Variants in SPTBN4 observed in about 807,000 individuals in gnomAD.
SPTBN4 encodes the protein spectrin beta, non-erythrocytic 4.
In SPTBN4, 96 loss-of-function variants were observed where a neutral mutation model predicts 277.8. That is an observed-to-expected ratio of 0.35 (90% CI 0.29 to 0.41). SPTBN4 has a LOEUF of 0.41. SPTBN4 is among the 10% of genes least tolerant of loss of function. The pLI, the probability that SPTBN4 is intolerant of heterozygous loss-of-function variation, is 1.00. For missense variants in SPTBN4, 3,006 were observed against 3,595.7 expected, an observed-to-expected ratio of 0.84 and a Z score of 4.19; for synonymous variants, 1,481 against 1,580.3, an observed-to-expected ratio of 0.94 and a Z score of 1.49.
Position 40,568,093 on chromosome 19 carries a change from A to G in SPTBN4, c.6767A>G (p.Asp2256Gly). The change falls in exon 31 of 36, where the codon GAT (aspartate) becomes GGT (glycine). Residue 2256 changes from aspartate to glycine, a missense_variant. Physicochemically the swap from Asp to Gly is moderately conservative, Grantham distance 94 (BLOSUM62 -1). Around this residue, in one of 5 missense-constraint regions of SPTBN4, gnomAD observed 630 missense variants for 677.6 expected, o/e 0.93. Coordinates refer to ENST00000598249, the MANE Select transcript of SPTBN4 (RefSeq NM_020971.3). ...CGGCCTGAGCGGCAAGAGTCAGTCGATCAATCCGAGGAGGCTGCGCGGAGG... is the reference window on the plus strand; with the variant it reads ...CGGCCTGAGCGGCAAGAGTCAGTCGGTCAATCCGAGGAGGCTGCGCGGAGG... The part of the protein sequence containing the change: ...RRRPERQESV[D>G]QSEEAARRRR... 1.3e-6 allele frequency: 2 copies of G among 1,566,290 alleles called. No homozygotes were observed. The highest frequency in any genetic ancestry group is 1.7e-6 in the Non-Finnish European group (2 of 1,155,902).
intron 2 of SPTBN4, among the ~76,000 whole-genome samples, chr19:40,481,891 A>T (rs112251996): frequency 1.3e-5 from 2 of 150,874 alleles, no homozygotes; most frequent in African/African-American, 2.4e-5. Context: ...ATTTTCATAC[A>T]TTTATTGGCC....
Position 40,502,944 on chromosome 19 carries a change from T to C in SPTBN4, c.1362+11T>C. ...CGTCTGGTCTCCCAGGTACAAGGTG[T>C]AGGGCTTGGCTCCAGGGTAAAGGGA... On this transcript the variant is annotated intron_variant, in intron 11 of 35. Transcript: ENST00000598249. This position sits in a 1 kb window ranked among gnomAD's most constrained non-coding sequence, Gnocchi z 4.9. The C allele has an allele frequency of 1.2e-6, 2 of 1,612,868 alleles. No individual in the cohort carries two copies. The highest frequency in any genetic ancestry group is 1.7e-6 in the Non-Finnish European group (2 of 1,179,588).
intron 24 of SPTBN4, 77 bp from the exon 25 acceptor site, chr19:40,556,007 G>A: frequency 7.6e-7 from 1 of 1,314,066 alleles, no homozygotes; most frequent in Non-Finnish European, 1.0e-6. Flanking sequence ...CCTGTCCTGG[G>A]GAGGGGGTTT....
intron 12 of SPTBN4, 68 bp downstream of exon 12, chr19:40,504,200 A>T: frequency 6.7e-7 from 1 of 1,500,476 alleles, no homozygotes; most frequent in Non-Finnish European, 9.1e-7. Flanking sequence ...ACGCTGAAAG[A>T]GTTGTCAGAC....
rs558324404 is a variant in SPTBN4 at position 40,511,224 on chromosome 19, C to T, written c.1817-1382C>T. ...TTCGAGACCAGTCTGGCCAACATAG[C>T]GAAACCCCATCTCTACTAAAAATAC... On this transcript the variant is annotated intron_variant, in intron 13 of 35. Transcript: ENST00000598249. Among the ~76,000 whole-genome samples, 22 of 146,856 alleles carry T rather than the reference C, an allele frequency of 1.5e-4. No individual in the cohort carries two copies. The East Asian group carries it at 1.8e-3, about 12-fold the overall frequency.
rs2369005 is a variant in SPTBN4, at chr19:40,545,083, T to G, written c.4360-4106T>G. 6.8e-3 allele frequency among the ~76,000 whole-genome samples: 1,032 copies of G among 151,470 alleles called. 15 individuals are homozygous for G. Among genetic ancestry groups the G allele is most frequent in the African/African-American group, 0.024 (995 of 41,356 alleles). ...ATTTCTTTTTTTTCTTAAAAAAATT[T>G]TTATTATTATTATTTAAAAATTTTT... On this transcript the variant is annotated intron_variant, in intron 20 of 35. Transcript: ENST00000598249.
Position 40,480,825 on chromosome 19 carries a change from G to A in SPTBN4, c.170-6872G>A, listed in dbSNP as rs112396014. Among the ~76,000 whole-genome samples, 1,461 of 152,200 alleles carry A rather than the reference G, an allele frequency of 9.6e-3. 26 individuals are homozygous for A. Among genetic ancestry groups the A allele is most frequent in the African/African-American group, 0.033 (1,379 of 41,524 alleles). ...TGCCTGTAATCCCAGCACTTTGGGAGGCCAAGGCAGGCGGATTACTTGAGT... is the reference window on the plus strand; with the variant it reads ...TGCCTGTAATCCCAGCACTTTGGGAAGCCAAGGCAGGCGGATTACTTGAGT... On this transcript the variant is annotated intron_variant, in intron 2 of 35. Coordinates refer to ENST00000598249, the MANE Select transcript of SPTBN4 (RefSeq NM_020971.3).
At chr19:40,575,343 T>A in intron 35 of SPTBN4, 68 bp from the exon 36 acceptor site, 1 of 1,533,920 alleles carries the variant, frequency 6.5e-7, no homozygotes, top group South Asian at 1.2e-5. Flanking sequence ...TAGTCTGATC[T>A]GAAATTCACC....
chr19:40,560,891 AC>A lies in SPTBN4; in HGVS notation c.5915+491del. ...TGCCACCCTGGGAGTCACATGCTGG[AC>A]CCTCTGCATCCCGCTGCAGATGGGA... On this transcript the variant is annotated intron_variant, in intron 27 of 35. Coordinates refer to ENST00000598249, the MANE Select transcript of SPTBN4 (RefSeq NM_020971.3). This position sits in a 1 kb window ranked among gnomAD's most constrained non-coding sequence, Gnocchi z 5.2. 1 of 275,080 alleles carries A rather than the reference AC, an allele frequency of 3.6e-6. No individual in the cohort carries two copies. The highest frequency in any genetic ancestry group is 2.3e-5 in the African/African-American group (1 of 44,276). 17.0% of individuals were successfully genotyped at this position (275,080 alleles called of 1,614,324 possible).
intron 20 of SPTBN4, among the ~76,000 whole-genome samples, chr19:40,536,621 G>A (rs1238348240): frequency 1.3e-5 from 2 of 152,158 alleles, no homozygotes; most frequent in South Asian, 2.1e-4. Context: ...CTTTGTCTGT[G>A]TGGGTTAGAC....
chr19:40,567,616 G>GCCCCACCCCCCCCACCCAAC, intron 30 of SPTBN4, 47 bp from the exon 31 acceptor site: 1 of 551,358 alleles, frequency 1.8e-6, no homozygotes. Flanking sequence ...CCCTTACCCC[G>GCCCCACCCCCCCCACCCAAC]CCCCGGCCCC....
intron 20 of SPTBN4, 51 bp from the exon 21 acceptor site, chr19:40,549,138 C>A (rs1281776280): frequency 1.4e-6 from 2 of 1,452,046 alleles, no homozygotes; most frequent in African/African-American, 1.4e-5. Flanking sequence ...AGAGCCACAG[C>A]AGGATCAGGA....
At position 40,499,329 on chromosome 19, in the gene SPTBN4, C is replaced by T. The variant is rs563950436; in HGVS notation, c.784+1725C>T. 1.1e-4 allele frequency among the ~76,000 whole-genome samples: 17 copies of T among 152,070 alleles called. No individual in the cohort carries two copies. In the South Asian group the frequency reaches 3.3e-3, roughly 30 times the overall value. On this transcript the variant is annotated intron_variant, in intron 7 of 35. Coordinates refer to ENST00000598249, the MANE Select transcript of SPTBN4 (RefSeq NM_020971.3). The stretch of plus-strand genomic sequence containing the variant: ...AGCTGGGATTACAGGCGTGAGCCAT[C>T]ACACCTGGCTTACTTATTTATTTTT...
chr19:40,518,607 A>G (rs1449702858), intron 15 of SPTBN4, among the ~76,000 whole-genome samples: 1 of 151,872 alleles, frequency 6.6e-6, no homozygotes, highest in Non-Finnish European at 1.5e-5. Context: ...TAATTTTTGT[A>G]TTTTAGGAGT....
rs181433207 is a variant in SPTBN4 at position 40,528,125 on chromosome 19, T to G, written c.3858-916T>G. Among the ~76,000 whole-genome samples, 8 of 148,458 alleles carry G rather than the reference T, an allele frequency of 5.4e-5. No individual in the cohort carries two copies. In the East Asian group the frequency reaches 1.2e-3, roughly 23 times the overall value. On this transcript the variant is annotated intron_variant, in intron 17 of 35. Coordinates refer to ENST00000598249, the MANE Select transcript of SPTBN4 (RefSeq NM_020971.3). ...ACCCTGGGAGGATCTCTAAGGACTCTCATGGAGACCCTGGGAGGATAGTCT... is the reference window on the plus strand; with the variant it reads ...ACCCTGGGAGGATCTCTAAGGACTCGCATGGAGACCCTGGGAGGATAGTCT...
rs1187302739 is a variant in SPTBN4, at chr19:40,490,142, T to C, written c.389T>C (p.Leu130Pro). ...LENVDKALQF[L>P]KEQRVHLENV... is the part of the protein sequence containing the mutation. ...AACGTGGACAAGGCGCTGCAGTTTCTGAAGGAGCAGCGCGTGCACCTGGAG... is the reference window on the plus strand; with the variant it reads ...AACGTGGACAAGGCGCTGCAGTTTCCGAAGGAGCAGCGCGTGCACCTGGAG... Residue 130 changes from leucine (L) to proline (P), a missense_variant, in exon 4 of 36, where the codon CTG (leucine) becomes CCG (proline). Around this residue, in one of 5 missense-constraint regions of SPTBN4, gnomAD observed 114 missense variants for 196.1 expected, o/e 0.58. Transcript: ENST00000598249. The surrounding 1 kb of genome is among the most constrained non-coding windows in gnomAD (Gnocchi z 4.3). 6.2e-7 allele frequency: 1 copy of C among 1,614,162 alleles called. No homozygotes were observed. Among genetic ancestry groups the C allele is most frequent in the South Asian group, 1.1e-5 (1 of 91,084 alleles).
intron 20 of SPTBN4, 97 bp from the exon 21 acceptor site, chr19:40,549,092 C>A (rs1599793886): frequency 9.9e-7 from 1 of 1,010,052 alleles, no homozygotes; most frequent in Non-Finnish European, 1.4e-6. Flanking sequence ...GGGTGGGCCG[C>A]GGTGAGGGGT....
At chr19:40,498,562 C>T (rs1050892060) in intron 7 of SPTBN4, among the ~76,000 whole-genome samples, 5 of 151,074 alleles carry the variant, frequency 3.3e-5, no homozygotes, top group East Asian at 3.9e-4. Flanking sequence ...CCCGCCACCA[C>T]GCCCGGCTAA....
rs778911534 is a variant in SPTBN4, at chr19:40,472,791, G to T, written c.169+1G>T. 1 of 1,494,490 alleles carries T rather than the reference G, an allele frequency of 6.7e-7. No homozygotes were observed. Among genetic ancestry groups the T allele is most frequent in the South Asian group, 1.2e-5 (1 of 85,062 alleles). 92.6% of individuals were successfully genotyped at this position (1,494,490 alleles called of 1,614,324 possible). On this transcript the variant is annotated splice_donor_variant, in intron 2 of 35. Coordinates refer to ENST00000598249, the MANE Select transcript of SPTBN4 (RefSeq NM_020971.3). LOFTEE classifies it high-confidence loss of function. Reference sequence around the variant, plus strand: ...TGCTCCCGGATCAAGGCCTTGGCAGGTACCTGGAGGAGGGCTGGGGTGGGA... The same window carrying T: ...TGCTCCCGGATCAAGGCCTTGGCAGTTACCTGGAGGAGGGCTGGGGTGGGA...
Sources: gnomAD v4.1 joint callset for allele counts (sites outside exome capture counted in the v4.1 genomes callset) on GRCh38, gnomAD v4.1.1 for gene constraint, gnomAD v4.1.1 regional missense constraint, Gnocchi (gnomAD v3.1) non-coding constraint, MANE v1.5 for transcripts, NCBI Gene and HGNC (gene_info 2026-07-23, HGNC 2026-07-21) for gene names.